MGAT4C: variants seen among roughly 807,000 people sequenced by gnomAD.
MGAT4C encodes the protein MGAT4 family member C.
A neutral mutation model predicts 40.1 loss-of-function variants in MGAT4C; 19 were observed. That is an observed-to-expected ratio of 0.47 (90% confidence interval 0.33 to 0.70). MGAT4C has a LOEUF of 0.70. Ranked by LOEUF, MGAT4C falls within the 30% of genes least tolerant of loss-of-function variation. MGAT4C has a pLI of 0.02. For synonymous variants in MGAT4C, 181 were observed against 187.1 expected (o/e 0.97, Z 0.27); for missense variants, 491 against 563.2 (o/e 0.87, Z 1.30).
chr12:86,140,636 G>A (rs1334495373), intron 1 of MGAT4C, among the ~76,000 whole-genome samples: 1 of 152,014 alleles, frequency 6.6e-6, no homozygotes, highest in Non-Finnish European at 1.5e-5. Flanking sequence ...ACATGTCCCA[G>A]AGAACTTAAA....
chr12:86,132,804 A>G (rs1372429435), intron 1 of MGAT4C, among the ~76,000 whole-genome samples: 3 of 151,652 alleles, frequency 2.0e-5, no homozygotes, highest in Non-Finnish European at 2.9e-5. Context: ...AAAAAAAAAA[A>G]AAAAAAAAAG....
intron 1 of MGAT4C, among the ~76,000 whole-genome samples, chr12:86,812,267 T>A (rs1952492924): frequency 6.6e-6 from 1 of 152,114 alleles, no homozygotes; most frequent in African/African-American, 2.4e-5. Context: ...AAAATGTGTA[T>A]TCTGATATTG....
At chr12:86,168,470 C>A (rs2135821854) in intron 1 of MGAT4C, among the ~76,000 whole-genome samples, 1 of 152,036 alleles carries the variant, frequency 6.6e-6, no homozygotes, top group South Asian at 2.1e-4. Flanking sequence ...TATAAAGCTG[C>A]TATGAACTCT....
intron 3 of MGAT4C, among the ~76,000 whole-genome samples, chr12:86,340,207 CAT>C (rs1954879800): frequency 6.6e-6 from 1 of 152,074 alleles, no homozygotes; most frequent in Non-Finnish European, 1.5e-5. Flanking sequence ...AAGAACATAA[CAT>C]AATTTATATC....
At chr12:86,766,687 T>C (rs1304353111) in intron 1 of MGAT4C, among the ~76,000 whole-genome samples, 1 of 151,624 alleles carries the variant, frequency 6.6e-6, no homozygotes, top group Non-Finnish European at 1.5e-5. Flanking sequence ...CACAGTGCAA[T>C]CAAACTAGAA....
chr12:86,304,120 GA>G (rs1953878186), intron 4 of MGAT4C, among the ~76,000 whole-genome samples: 1 of 150,674 alleles, frequency 6.6e-6, no homozygotes, highest in Non-Finnish European at 1.5e-5. Context: ...CATTTGAAAT[GA>G]GAAAGTGGCT....
chr12:86,520,063 T>A lies in MGAT4C; in HGVS notation c.-228-84798A>T, dbSNP rs118052001. Among the ~76,000 whole-genome samples the A allele has an allele frequency of 4.2e-4, 64 of 152,344 alleles. No homozygotes were observed. In the East Asian group the frequency reaches 0.012, roughly 28 times the overall value. On this transcript the variant is annotated intron_variant, in intron 2 of 7. Coordinates refer to the MGAT4C transcript ENST00000548651. ...GTTTAAGTCTTTAATGTATTTCTTT[T>A]TAATTTAACATTTATTTTAAGTGCA...
At chr12:86,366,887 A>G (rs1251727595) in intron 3 of MGAT4C, among the ~76,000 whole-genome samples, 1 of 152,166 alleles carries the variant, frequency 6.6e-6, no homozygotes, top group Non-Finnish European at 1.5e-5. Flanking sequence ...AGTATTTGAA[A>G]CAATTAAAAA....
chr12:86,290,886 G>C (rs56137794), intron 4 of MGAT4C, among the ~76,000 whole-genome samples: 5 of 152,234 alleles, frequency 3.3e-5, no homozygotes, highest in Non-Finnish European at 7.4e-5. Flanking sequence ...AGTATTACAA[G>C]AAAGAGATGA....
At chr12:86,051,234 T>C (rs1410406502) in intron 1 of MGAT4C, among the ~76,000 whole-genome samples, 1 of 152,038 alleles carries the variant, frequency 6.6e-6, no homozygotes, top group East Asian at 1.9e-4. Flanking sequence ...AATTGGTCTT[T>C]TGACTGTACT....
chr12:86,506,101 G>A (rs1366873951), intron 2 of MGAT4C, among the ~76,000 whole-genome samples: 4 of 152,090 alleles, frequency 2.6e-5, no homozygotes, highest in Non-Finnish European at 5.9e-5. Flanking sequence ...CCAGTGAAAG[G>A]TTAGGAGTTT....
chr12:85,998,885 G>T (rs1886957693), intron 2 of MGAT4C, among the ~76,000 whole-genome samples: 1 of 152,064 alleles, frequency 6.6e-6, no homozygotes, highest in South Asian at 2.1e-4. Context: ...CCACATTTTT[G>T]GGTATCTTTT....
At chr12:86,176,702 T>C (rs1887475018) in intron 1 of MGAT4C, among the ~76,000 whole-genome samples, 1 of 151,574 alleles carries the variant, frequency 6.6e-6, no homozygotes, top group African/African-American at 2.4e-5. Context: ...TTTTTATAAA[T>C]AAGAATAATT....
intron 2 of MGAT4C, among the ~76,000 whole-genome samples, chr12:86,010,957 G>A (rs1200084886): frequency 6.6e-6 from 1 of 152,142 alleles, no homozygotes; most frequent in Non-Finnish European, 1.5e-5. Flanking sequence ...ATGTTGTGAT[G>A]TAGCATGAGG....
intron 2 of MGAT4C, among the ~76,000 whole-genome samples, chr12:86,626,374 A>C (rs1450713951): frequency 6.6e-6 from 1 of 152,192 alleles, no homozygotes; most frequent in African/African-American, 2.4e-5. Flanking sequence ...TGGATAAAAT[A>C]ATTATAACCG....
At chr12:86,394,569 A>G (rs1400366996) in intron 3 of MGAT4C, among the ~76,000 whole-genome samples, 2 of 144,278 alleles carry the variant, frequency 1.4e-5, no homozygotes, top group East Asian at 3.9e-4. Flanking sequence ...ATTTATATAT[A>G]TTTATATATG....
chr12:86,450,835 CATATGT>C (rs1957415223), intron 2 of MGAT4C, among the ~76,000 whole-genome samples: 1 of 152,016 alleles, frequency 6.6e-6, no homozygotes, highest in African/African-American at 2.4e-5. Flanking sequence ...TTTGTATACA[CATATGT>C]ATGTTTTTAT....
intron 1 of MGAT4C, among the ~76,000 whole-genome samples, chr12:86,750,425 T>C (rs1951216935): frequency 6.6e-6 from 1 of 151,926 alleles, no homozygotes; most frequent in Admixed American, 6.6e-5. Context: ...AAACTAGATC[T>C]GCTTTACCTT....
intron 2 of MGAT4C, among the ~76,000 whole-genome samples, chr12:86,707,559 A>G (rs1309041633): frequency 6.9e-6 from 1 of 145,940 alleles, no homozygotes; most frequent in Non-Finnish European, 1.5e-5. Context: ...GAGGTGGAGT[A>G]TTGCTCTGTC....
Sources: allele counts gnomAD v4.1 joint callset (sites outside exome capture counted in the v4.1 genomes callset), GRCh38; gene constraint gnomAD v4.1.1; transcripts MANE v1.5; gene names NCBI Gene and HGNC (gene_info 2026-07-23, HGNC 2026-07-21).